Variants in UIMC1 observed in about 807,000 individuals in gnomAD.
UIMC1 encodes ubiquitin interaction motif containing 1.
A neutral mutation model predicts 84.9 loss-of-function variants in UIMC1; 42 were observed. The observed-to-expected ratio is 0.49, with a 90% CI of 0.39 to 0.64. The LOEUF is 0.64. UIMC1 is among the 30% of genes least tolerant of loss of function. The pLI is 0.00. For missense variants in UIMC1, 825 were observed against 847.6 expected (o/e 0.97, Z 0.33); for synonymous variants, 281 against 293.0 (o/e 0.96, Z 0.42).
At chr5:177,003,907 C>A (rs1392552188) in intron 1 of UIMC1, among the ~76,000 whole-genome samples, 1 of 152,176 alleles carries the variant, frequency 6.6e-6, no homozygotes, top group Non-Finnish European at 1.5e-5. Context: ...TAGCTCACTG[C>A]AGCCTCGACT....
intron 10 of UIMC1, among the ~76,000 whole-genome samples, chr5:176,927,845 A>G (rs1762567392): frequency 1.3e-5 from 2 of 150,878 alleles, no homozygotes; most frequent in African/African-American, 2.4e-5. Flanking sequence ...TGGGATGGCC[A>G]GCCAGCTTTT....
At chr5:176,985,281 C>A (rs982852927) in intron 1 of UIMC1, among the ~76,000 whole-genome samples, 1 of 151,636 alleles carries the variant, frequency 6.6e-6, no homozygotes, top group Non-Finnish European at 1.5e-5. Flanking sequence ...CATGGTGAAA[C>A]CCTGTCTCTA....
intron 9 of UIMC1, among the ~76,000 whole-genome samples, chr5:176,949,503 T>A (rs528940596): frequency 4.6e-5 from 7 of 152,318 alleles, no homozygotes; most frequent in African/African-American, 1.4e-4. Context: ...TCATTCCCAT[T>A]TAGAAGATTC....
chr5:176,911,568 C>T (rs749888939), intron 10 of UIMC1, among the ~76,000 whole-genome samples, 179 bp from the exon 11 acceptor site: 1 of 152,074 alleles, frequency 6.6e-6, no homozygotes, highest in African/African-American at 2.4e-5. Flanking sequence ...ACATTTGCAC[C>T]AAAACAAATG....
chr5:176,955,124 A>G (rs1170587246), intron 8 of UIMC1, among the ~76,000 whole-genome samples: 2 of 152,224 alleles, frequency 1.3e-5, no homozygotes, highest in Non-Finnish European at 2.9e-5. Flanking sequence ...GTAGTGGTTC[A>G]TATCACAAAA....
intron 1 of UIMC1, among the ~76,000 whole-genome samples, chr5:176,995,843 CAA>C (rs34672103): frequency 0.011 from 877 of 79,580 alleles, 4 homozygotes; most frequent in African/African-American, 0.035. Flanking sequence ...AACTCCATCT[CAA>C]AAAAAAAAAA....
At chr5:176,977,931 AT>A (rs1770392264) in intron 2 of UIMC1, among the ~76,000 whole-genome samples, 1 of 152,020 alleles carries the variant, frequency 6.6e-6, no homozygotes, top group Non-Finnish European at 1.5e-5. Flanking sequence ...ATATAAAAAA[AT>A]AAAAATAATA....
In UIMC1 at chr5:176,978,016, A is replaced by G. The variant is rs115970487; in HGVS notation, c.148-2536T>C. On this transcript the variant is annotated intron_variant, in intron 2 of 14. Transcript: ENST00000511320. ...CTTTTTTCTATTCTAAAGCAGAAAA[A>G]AAGACTTTTTTTCATATACAAAAAT... Among the ~76,000 whole-genome samples the G allele has an allele frequency of 9.1e-3, 1,386 of 152,198 alleles. 8 individuals carry two copies. Among genetic ancestry groups the G allele is most frequent in the South Asian group, 0.025 (121 of 4,826 alleles).
intron 1 of UIMC1, among the ~76,000 whole-genome samples, chr5:176,986,136 G>A (rs1157437356): frequency 6.6e-6 from 1 of 151,436 alleles, no homozygotes; most frequent in African/African-American, 2.4e-5. Context: ...GTCGTGGGCT[G>A]ATCACCTGAG....
At chr5:176,937,781 G>A (rs1763890771) in intron 10 of UIMC1, among the ~76,000 whole-genome samples, 1 of 152,084 alleles carries the variant, frequency 6.6e-6, no homozygotes, top group Non-Finnish European at 1.5e-5. Context: ...TCCGCTTCAG[G>A]GGAAGACAGG....
Position 176,907,110 on chromosome 5 carries a change from T to A in UIMC1, c.1912+4A>T, listed in dbSNP as rs1441439060. The A allele has an allele frequency of 1.2e-6, 2 of 1,613,712 alleles. No homozygotes were observed. The highest frequency in any genetic ancestry group is 4.5e-5 in the East Asian group (2 of 44,878). ...GCCCAGAAAACTGGTCCTGGGGTCCTCACCTGAAGTCTTGTGCTCAGACTG... is the reference window on the plus strand; with the variant it reads ...GCCCAGAAAACTGGTCCTGGGGTCCACACCTGAAGTCTTGTGCTCAGACTG... On this transcript the variant is annotated splice_donor_region_variant and intron_variant, in intron 13 of 14. Transcript: ENST00000511320.
intron 10 of UIMC1, among the ~76,000 whole-genome samples, chr5:176,940,656 T>C (rs1764300152): frequency 6.6e-6 from 1 of 152,148 alleles, no homozygotes; most frequent in Non-Finnish European, 1.5e-5. Flanking sequence ...GCTCTGCCAC[T>C]AAAAGTGGTT....
At chr5:176,943,176 A>G (rs1764656676) in intron 10 of UIMC1, among the ~76,000 whole-genome samples, 159 bp downstream of exon 10, 1 of 152,234 alleles carries the variant, frequency 6.6e-6, no homozygotes, top group Admixed American at 6.5e-5. Flanking sequence ...AATGATGAAC[A>G]TAAAAGTACT....
chr5:176,959,247 C>CAGAAAGAGAA (rs1554122313), intron 6 of UIMC1, among the ~76,000 whole-genome samples: 1 of 152,136 alleles, frequency 6.6e-6, no homozygotes, highest in Non-Finnish European at 1.5e-5. Flanking sequence ...ATTGAACTCT[C>CAGAAAGAGAA]AGAAAGAGAA....
chr5:176,937,198 T>G (rs141123958), intron 10 of UIMC1, among the ~76,000 whole-genome samples: 3 of 152,252 alleles, frequency 2.0e-5, no homozygotes, highest in Non-Finnish European at 4.4e-5. Flanking sequence ...AACATTACCT[T>G]TAAAGAGCAT....
intron 5 of UIMC1, 52 bp from the exon 6 acceptor site, chr5:176,969,343 G>A (rs1581582239): frequency 6.5e-7 from 1 of 1,541,850 alleles, no homozygotes. Context: ...TTTATTAAGA[G>A]GGCTTGGTAA....
Position 177,001,045 on chromosome 5 carries a change from C to T in UIMC1, c.-9+5605G>A, listed in dbSNP as rs113266022. ...CATTTGTCCATTTTTGCTTTGGTTG[C>T]CTGTGGTTATGGGATATTACTCAAG... On this transcript the variant is annotated intron_variant, in intron 1 of 14. Coordinates refer to ENST00000511320, the MANE Select transcript of UIMC1 (RefSeq NM_001199298.2). 4.2e-3 allele frequency among the ~76,000 whole-genome samples: 643 copies of T among 152,162 alleles called. 9 individuals carry two copies. The highest frequency in any genetic ancestry group is 0.014 in the African/African-American group (597 of 41,506).
At chr5:176,926,690 G>A (rs1024616062) in intron 10 of UIMC1, among the ~76,000 whole-genome samples, 13 of 152,014 alleles carry the variant, frequency 8.6e-5, no homozygotes, top group African/African-American at 3.1e-4. Flanking sequence ...GTATTTAGAG[G>A]TAAAGTGTCA....
At chr5:176,980,706 T>C (rs1770904380) in intron 2 of UIMC1, among the ~76,000 whole-genome samples, 1 of 152,138 alleles carries the variant, frequency 6.6e-6, no homozygotes, top group African/African-American at 2.4e-5. Context: ...GTATTTAATA[T>C]TTTTATTTTT....
Sources: allele counts gnomAD v4.1 joint callset (sites outside exome capture counted in the v4.1 genomes callset), GRCh38; gene constraint gnomAD v4.1.1; transcripts MANE v1.5; gene names NCBI Gene and HGNC (gene_info 2026-07-23, HGNC 2026-07-21).